SCRG1: variants seen among roughly 807,000 people sequenced by gnomAD.
SCRG1 encodes the protein scrapie-responsive protein 1.
A neutral mutation model predicts 7.7 loss-of-function variants in SCRG1; 3 were observed. The observed-to-expected ratio is 0.39, with a 90% CI of 0.18 to 1.01. SCRG1 has a LOEUF of 1.01. Ranked by LOEUF, SCRG1 falls within the 50% of genes least tolerant of loss-of-function variation. SCRG1 has a pLI of 0.36. For missense variants in SCRG1, 110 were observed against 117.2 expected (o/e 0.94, Z 0.28); for synonymous variants, 46 against 41.2 (o/e 1.12, Z -0.44).
the SCRG1 span, among the ~76,000 whole-genome samples, chr4:173,482,240 T>C: frequency 6.6e-6 from 1 of 152,164 alleles, no homozygotes; most frequent in African/African-American, 2.4e-5. Context: ...TGTTTGACTT[T>C]GGGCAAATCT....
At chr4:173,488,857 C>T in the SCRG1 span, among the ~76,000 whole-genome samples, 19 of 152,260 alleles carry the variant, frequency 1.2e-4, no homozygotes, top group East Asian at 3.3e-3. Context: ...AGCCTTGGTC[C>T]TTACTCCAAC....
chr4:173,390,209 A>G (rs929165797), intron 2 of SCRG1, among the ~76,000 whole-genome samples: 2 of 151,946 alleles, frequency 1.3e-5, no homozygotes, highest in Admixed American at 6.6e-5. Context: ...ATGCCTGGCT[A>G]ATTTTTTTTG....
At chr4:173,513,419 C>A in the SCRG1 span, among the ~76,000 whole-genome samples, 1 of 152,136 alleles carries the variant, frequency 6.6e-6, no homozygotes, top group African/African-American at 2.4e-5. Context: ...ACTTAAAGTA[C>A]ATGAGTAACA....
the SCRG1 span, among the ~76,000 whole-genome samples, chr4:173,465,605 T>A: frequency 1.6e-5 from 2 of 128,326 alleles, no homozygotes; most frequent in African/African-American, 5.3e-5. Flanking sequence ...GTGAGGGGAT[T>A]TTTTTTATTG....
chr4:173,460,154 G>A, the SCRG1 span, among the ~76,000 whole-genome samples: 1 of 152,162 alleles, frequency 6.6e-6, no homozygotes, highest in Non-Finnish European at 1.5e-5. Flanking sequence ...TAAGTACCTG[G>A]TTTTAACTTC....
At chr4:173,417,013 C>T in the SCRG1 span, among the ~76,000 whole-genome samples, 2 of 148,010 alleles carry the variant, frequency 1.4e-5, no homozygotes, top group Non-Finnish European at 3.0e-5. Context: ...TTCACACACA[C>T]CCCACACACA....
the SCRG1 span, chr4:173,420,183 G>T: frequency 2.3e-6 from 1 of 431,066 alleles, no homozygotes. Flanking sequence ...GAGACCTTCA[G>T]GCCCGGCCCT....
the SCRG1 span, among the ~76,000 whole-genome samples, chr4:173,412,230 A>G: frequency 1.3e-5 from 2 of 152,212 alleles, no homozygotes; most frequent in Non-Finnish European, 2.9e-5. Context: ...CCATCAGGGC[A>G]GAATTTCCAG....
chr4:173,419,749 A>G, the SCRG1 span: 52 of 1,300,068 alleles, frequency 4.0e-5, no homozygotes, highest in African/African-American at 6.6e-4. Flanking sequence ...AATAGCAGGT[A>G]AAGGCACCTG....
At chr4:173,514,105 G>T in the SCRG1 span, among the ~76,000 whole-genome samples, 1 of 152,158 alleles carries the variant, frequency 6.6e-6, no homozygotes, top group Non-Finnish European at 1.5e-5. Flanking sequence ...TGCTCAATGG[G>T]TCATAAGTTG....
chr4:173,471,685 G>C, the SCRG1 span, among the ~76,000 whole-genome samples: 1 of 152,172 alleles, frequency 6.6e-6, no homozygotes, highest in Non-Finnish European at 1.5e-5. Context: ...TCCCAGGAGA[G>C]GCTATTAAGT....
the SCRG1 span, chr4:173,419,843 T>A: frequency 2.2e-6 from 3 of 1,349,962 alleles, no homozygotes; most frequent in African/African-American, 4.3e-5. Context: ...GCCTAACCTA[T>A]TGAGAAGCCT....
At chr4:173,493,236 G>A in the SCRG1 span, among the ~76,000 whole-genome samples, 1 of 152,090 alleles carries the variant, frequency 6.6e-6, no homozygotes, top group Non-Finnish European at 1.5e-5. Context: ...TCTTGTGATA[G>A]TGAGTTCTCA....
At chr4:173,429,168 A>G in the SCRG1 span, among the ~76,000 whole-genome samples, 2 of 152,232 alleles carry the variant, frequency 1.3e-5, no homozygotes, top group African/African-American at 4.8e-5. Flanking sequence ...TGATTTCCCC[A>G]GGGACAGCTG....
At chr4:173,462,900 A>T in the SCRG1 span, among the ~76,000 whole-genome samples, 1 of 152,204 alleles carries the variant, frequency 6.6e-6, no homozygotes, top group Non-Finnish European at 1.5e-5. Flanking sequence ...ATAATGGGTT[A>T]TAATATAGTA....
chr4:173,460,821 C>T, the SCRG1 span, among the ~76,000 whole-genome samples: 10 of 152,146 alleles, frequency 6.6e-5, no homozygotes. Flanking sequence ...TGCCCTGGGC[C>T]AGAGGGGAGC....
At chr4:173,444,906 G>A in the SCRG1 span, among the ~76,000 whole-genome samples, 3 of 152,080 alleles carry the variant, frequency 2.0e-5, no homozygotes, top group Non-Finnish European at 4.4e-5. Flanking sequence ...ATTAATAAAT[G>A]TCCTTCTGTG....
At chr4:173,461,466 C>G in the SCRG1 span, among the ~76,000 whole-genome samples, 1 of 152,236 alleles carries the variant, frequency 6.6e-6, no homozygotes, top group South Asian at 2.1e-4. Flanking sequence ...ACTATCAAGG[C>G]AGTATCTCTA....
chr4:173,427,558 C>T, the SCRG1 span, among the ~76,000 whole-genome samples: 80 of 152,292 alleles, frequency 5.3e-4, 1 homozygote, highest in African/African-American at 1.9e-3. Flanking sequence ...TGCATAGGGC[C>T]ACACATAGCC....
Sources: allele counts gnomAD v4.1 joint callset (sites outside exome capture counted in the v4.1 genomes callset), GRCh38; gene constraint gnomAD v4.1.1; transcripts MANE v1.5; gene names NCBI Gene and HGNC (gene_info 2026-07-23, HGNC 2026-07-21).